The following PMFBP1 variants were observed in gnomAD, a reference collection of about 807,000 sequenced individuals.
The protein encoded by PMFBP1 is polyamine-modulated factor 1-binding protein 1.
In PMFBP1, 131 loss-of-function variants were observed where a neutral mutation model predicts 137.8. That is an observed-to-expected ratio of 0.95 (90% CI 0.82 to 1.10). The LOEUF is 1.10. Ranked by LOEUF, PMFBP1 falls within the 50% of genes least tolerant of loss-of-function variation. The pLI is 0.00. For synonymous variants in PMFBP1, 490 were observed against 450.4 expected (o/e 1.09, Z -1.11); for missense variants, 1,199 against 1,175.4 (o/e 1.02, Z -0.29).
At chr16:72,244,691 C>A in the PMFBP1 span, among the ~76,000 whole-genome samples, 13 of 152,226 alleles carry the variant, frequency 8.5e-5, no homozygotes, top group Non-Finnish European at 1.8e-4. Context: ...AAATCTCCTA[C>A]TGGTATGGGG....
the PMFBP1 span, among the ~76,000 whole-genome samples, chr16:72,186,589 G>A: frequency 1.3e-5 from 2 of 152,152 alleles, no homozygotes; most frequent in African/African-American, 4.8e-5. Context: ...ATTGCTTCGT[G>A]TACATTAGCC....
At chr16:72,172,789 GC>G (rs2043233619), upstream of PMFBP1, among the ~76,000 whole-genome samples, 1 of 152,094 alleles carries the variant, frequency 6.6e-6, no homozygotes, top group Admixed American at 6.6e-5. Flanking sequence ...AAAACAAGGT[GC>G]ATAACTTAAT....
upstream of PMFBP1, among the ~76,000 whole-genome samples, chr16:72,175,302 G>T (rs1369599048): frequency 6.6e-6 from 1 of 152,168 alleles, no homozygotes; most frequent in Non-Finnish European, 1.5e-5. Flanking sequence ...AACAGTCTTT[G>T]TGTGGTTTTG....
At chr16:72,124,960 G>A (rs2042431871) in intron 16 of PMFBP1, 26 bp from the exon 17 acceptor site, 2 of 1,607,504 alleles carry the variant, frequency 1.2e-6, no homozygotes, top group South Asian at 2.2e-5. Context: ...AAGTGAGGAG[G>A]GGGACTCCAG....
rs111960622 is a variant in PMFBP1, at chr16:72,165,418, CT to C, written c.13-503del. Reference sequence around the variant, plus strand: ...CCCAGTGCTTTTCTTTTCTTTCTTTCTTTTTTTTTTTTTTGAGACGGAGACT... The same window carrying C: ...CCCAGTGCTTTTCTTTTCTTTCTTTCTTTTTTTTTTTTTGAGACGGAGACT... On this transcript the variant is annotated intron_variant, in intron 2 of 20. Coordinates refer to ENST00000237353, the MANE Select transcript of PMFBP1 (RefSeq NM_031293.3). 2.0e-3 allele frequency among the ~76,000 whole-genome samples: 287 copies of C among 143,708 alleles called. 1 individual carries two copies. The highest frequency in any genetic ancestry group is 1.9e-3 in the Non-Finnish European group (123 of 65,074). 94.3% of individuals were successfully genotyped at this position (143,708 alleles called of 152,430 possible).
chr16:72,221,755 G>A, the PMFBP1 span, among the ~76,000 whole-genome samples: 1 of 152,206 alleles, frequency 6.6e-6, no homozygotes, highest in Non-Finnish European at 1.5e-5. Flanking sequence ...AGCTGGCATT[G>A]AGACATAAAA....
the PMFBP1 span, among the ~76,000 whole-genome samples, chr16:72,239,915 A>AAAAAAAAAG: frequency 6.9e-4 from 100 of 145,098 alleles, 3 homozygotes; most frequent in African/African-American, 8.6e-4. Flanking sequence ...AAAAAAAAAA[A>AAAAAAAAAG]AAGAATGTTC....
the PMFBP1 span, among the ~76,000 whole-genome samples, chr16:72,185,592 C>T: frequency 1.3e-5 from 2 of 152,110 alleles, no homozygotes; most frequent in Non-Finnish European, 1.5e-5. Context: ...CTGATCTGAA[C>T]GTCCCCACCA....
chr16:72,128,937 C>T, intron 13 of PMFBP1, 129 bp downstream of exon 13: 1 of 1,509,646 alleles, frequency 6.6e-7, no homozygotes, highest in Non-Finnish European at 8.9e-7. Flanking sequence ...CCTCGCTGGC[C>T]TTTCCCACTG....
intron 3 of PMFBP1, chr16:72,164,317 T>G: frequency 3.1e-6 from 3 of 978,964 alleles, no homozygotes; most frequent in Non-Finnish European, 4.2e-6. Flanking sequence ...TTGCAGGCAG[T>G]GAGACGCAGG....
At chr16:72,172,818 TA>T (rs747283759), upstream of PMFBP1, among the ~76,000 whole-genome samples, 1 of 152,086 alleles carries the variant, frequency 6.6e-6, no homozygotes, top group Non-Finnish European at 1.5e-5. Context: ...ACTTTGTTGC[TA>T]AAAAAATGCT....
chr16:72,171,312 C>G (rs1433336958), intron 1 of PMFBP1, 44 bp from the exon 2 acceptor site: 8 of 1,311,336 alleles, frequency 6.1e-6, no homozygotes, highest in Non-Finnish European at 7.6e-6. Flanking sequence ...TATAAATGAG[C>G]CTCTGCCCTT....
chr16:72,139,599 T>G (rs1352537552), intron 6 of PMFBP1, among the ~76,000 whole-genome samples, 200 bp from the exon 7 acceptor site: 1 of 152,212 alleles, frequency 6.6e-6, no homozygotes, highest in Non-Finnish European at 1.5e-5. Flanking sequence ...GCATATGTGA[T>G]CTGTCTCAAG....
intron 2 of PMFBP1, among the ~76,000 whole-genome samples, chr16:72,169,805 T>C (rs1441442281): frequency 4.6e-5 from 7 of 152,136 alleles, no homozygotes; most frequent in Admixed American, 3.3e-4. Context: ...AATATAGAGA[T>C]AATTATGGCT....
chr16:72,161,788 C>A (rs1340545506), intron 3 of PMFBP1, among the ~76,000 whole-genome samples: 2 of 152,128 alleles, frequency 1.3e-5, no homozygotes, highest in Non-Finnish European at 2.9e-5. Context: ...AATATCCAAT[C>A]CAGGATTTCA....
At chr16:72,132,704 C>T in intron 10 of PMFBP1, 44 bp downstream of exon 10, 2 of 1,612,542 alleles carry the variant, frequency 1.2e-6, no homozygotes, top group African/African-American at 1.3e-5. Context: ...GCTGCTCTAG[C>T]CCCACAGAAA....
chr16:72,181,784 G>A (rs1313907034), upstream of PMFBP1, among the ~76,000 whole-genome samples: 1 of 152,132 alleles, frequency 6.6e-6, no homozygotes, highest in Non-Finnish European at 1.5e-5. Context: ...AGCCTTTTCT[G>A]GTAGGTTTAG....
At chr16:72,149,030 G>A (rs746247839) in intron 5 of PMFBP1, among the ~76,000 whole-genome samples, 1 of 152,144 alleles carries the variant, frequency 6.6e-6, no homozygotes, top group African/African-American at 2.4e-5. Context: ...AGACTACATC[G>A]CAGCTCGACT....
At chr16:72,237,854 G>C in the PMFBP1 span, among the ~76,000 whole-genome samples, 7 of 151,976 alleles carry the variant, frequency 4.6e-5, no homozygotes, top group African/African-American at 1.7e-4. Flanking sequence ...GTGTCCATGT[G>C]TTCTCATCAT....
Sources: allele counts gnomAD v4.1 joint callset (sites outside exome capture counted in the v4.1 genomes callset), GRCh38; gene constraint gnomAD v4.1.1; transcripts MANE v1.5; gene names NCBI Gene and HGNC (gene_info 2026-07-23, HGNC 2026-07-21).